Variants in LPAR1 observed in about 807,000 individuals in gnomAD.
LPAR1 encodes lysophosphatidic acid receptor 1.
Under a neutral mutation model 23.8 loss-of-function variants are expected in LPAR1, and 5 were observed. The ratio of observed to expected loss-of-function variants is 0.21; its 90% confidence interval spans 0.11 to 0.44. The LOEUF is 0.44. Ranked by LOEUF, LPAR1 falls within the 20% of genes least tolerant of loss-of-function variation. LPAR1 has a pLI of 0.99. For missense variants in LPAR1, 311 were observed against 482.8 expected, an observed-to-expected ratio of 0.64 and a Z score of 3.33; for synonymous variants, 160 against 164.7, an observed-to-expected ratio of 0.97 and a Z score of 0.22.
At chr9:110,970,231 G>C (rs1199820951) in intron 4 of LPAR1, among the ~76,000 whole-genome samples, 1 of 152,166 alleles carries the variant, frequency 6.6e-6, no homozygotes, top group Non-Finnish European at 1.5e-5. Context: ...GAAATGCCCT[G>C]TCTAGAAAAC....
chr9:110,921,326 T>C (rs1245833814), intron 5 of LPAR1, among the ~76,000 whole-genome samples: 1 of 152,212 alleles, frequency 6.6e-6, no homozygotes, highest in African/African-American at 2.4e-5. Context: ...ATATTTATGT[T>C]TCCTCTCATG....
intron 2 of LPAR1, among the ~76,000 whole-genome samples, chr9:110,988,305 C>T (rs1446183823): frequency 6.6e-6 from 1 of 150,660 alleles, no homozygotes; most frequent in African/African-American, 2.4e-5. Context: ...TGAAGGATAC[C>T]AAAAATATTA....
intron 5 of LPAR1, among the ~76,000 whole-genome samples, chr9:110,915,003 G>A (rs2092920716): frequency 6.6e-6 from 1 of 152,036 alleles, no homozygotes; most frequent in African/African-American, 2.4e-5. Flanking sequence ...GAATGATAGT[G>A]AGGGCCCCTT....
At chr9:111,025,500 T>C (rs1371608419) in intron 2 of LPAR1, among the ~76,000 whole-genome samples, 1 of 152,250 alleles carries the variant, frequency 6.6e-6, no homozygotes, top group Non-Finnish European at 1.5e-5. Flanking sequence ...GTAGGTTGCC[T>C]GTTCACTCTG....
chr9:110,922,975 G>A (rs1334222967), intron 5 of LPAR1, among the ~76,000 whole-genome samples: 8 of 151,830 alleles, frequency 5.3e-5, no homozygotes, highest in Admixed American at 2.6e-4. Context: ...TTCTCCTAAC[G>A]CTATCCCTCC....
intron 4 of LPAR1, among the ~76,000 whole-genome samples, chr9:110,959,027 C>G (rs755530652): frequency 6.6e-6 from 1 of 151,032 alleles, no homozygotes; most frequent in Non-Finnish European, 1.5e-5. Flanking sequence ...TCATCTTACC[C>G]CAGCCAGAAT....
chr9:110,974,101 G>C (rs1247676123), intron 2 of LPAR1, among the ~76,000 whole-genome samples: 1 of 152,046 alleles, frequency 6.6e-6, no homozygotes, highest in Non-Finnish European at 1.5e-5. Context: ...GGAGGTTGCA[G>C]TGAGCCGAGA....
intron 4 of LPAR1, among the ~76,000 whole-genome samples, chr9:110,951,642 CAGTG>C (rs2095571918): frequency 6.6e-6 from 1 of 152,138 alleles, no homozygotes; most frequent in Non-Finnish European, 1.5e-5. Context: ...TGTCAAGAGT[CAGTG>C]AGGTCAGTCC....
chr9:110,909,551 T>C (rs1026749952), intron 5 of LPAR1, among the ~76,000 whole-genome samples: 2 of 152,090 alleles, frequency 1.3e-5, no homozygotes, highest in Non-Finnish European at 2.9e-5. Flanking sequence ...AATTGAAGGT[T>C]TGTGGCAGCC....
intron 4 of LPAR1, among the ~76,000 whole-genome samples, chr9:110,942,808 C>T (rs996352335): frequency 1.3e-5 from 2 of 152,264 alleles, no homozygotes; most frequent in Admixed American, 6.5e-5. Context: ...ACTTGTCAAC[C>T]AATCTATGAC....
chr9:110,948,433 G>C (rs900306414), intron 4 of LPAR1, among the ~76,000 whole-genome samples: 1 of 152,088 alleles, frequency 6.6e-6, no homozygotes, highest in Non-Finnish European at 1.5e-5. Flanking sequence ...ATCTGAAAAA[G>C]TACATAAAAT....
intron 2 of LPAR1, among the ~76,000 whole-genome samples, chr9:111,016,626 A>C (rs148790558): frequency 6.6e-6 from 1 of 152,316 alleles, no homozygotes; most frequent in Non-Finnish European, 1.5e-5. Context: ...ACCCACACTT[A>C]ACTGACCACA....
At chr9:110,971,359 T>A (rs1325805111) in intron 4 of LPAR1, among the ~76,000 whole-genome samples, 2 of 152,146 alleles carry the variant, frequency 1.3e-5, no homozygotes, top group Admixed American at 1.3e-4. Flanking sequence ...CTAGCATGAC[T>A]AGGGCTCTTT....
At chr9:110,966,440 T>C (rs990240611) in intron 4 of LPAR1, among the ~76,000 whole-genome samples, 5 of 149,948 alleles carry the variant, frequency 3.3e-5, no homozygotes, top group Non-Finnish European at 5.9e-5. Context: ...GATCACGACA[T>C]TGCACTCCAG....
intron 2 of LPAR1, among the ~76,000 whole-genome samples, chr9:111,031,486 C>T (rs2097794796): frequency 6.6e-6 from 1 of 151,750 alleles, no homozygotes; most frequent in Admixed American, 6.6e-5. Flanking sequence ...CGGCACACAC[C>T]TGCGGTCCCA....
At chr9:111,024,594 T>C (rs538206833) in intron 2 of LPAR1, among the ~76,000 whole-genome samples, 1 of 150,330 alleles carries the variant, frequency 6.7e-6, no homozygotes, top group African/African-American at 2.4e-5. Flanking sequence ...AGTTCTGGGA[T>C]ACATGTGCAG....
At chr9:110,918,705 A>G (rs2093392514) in intron 5 of LPAR1, among the ~76,000 whole-genome samples, 1 of 152,234 alleles carries the variant, frequency 6.6e-6, no homozygotes, top group Non-Finnish European at 1.5e-5. Context: ...ATGTCTCTGT[A>G]GCCAAAATTA....
At chr9:110,992,923 G>A (rs528939478) in intron 2 of LPAR1, among the ~76,000 whole-genome samples, 10 of 152,074 alleles carry the variant, frequency 6.6e-5, no homozygotes, top group Middle Eastern at 3.2e-3. Flanking sequence ...TGATAATTTC[G>A]AGAGTATATG....
At chr9:110,889,719 T>G (rs7037318) in intron 5 of LPAR1, among the ~76,000 whole-genome samples, 2,697 of 152,374 alleles carry the variant, frequency 0.018, 37 homozygotes, top group Non-Finnish European at 0.03. Flanking sequence ...GCTTGTTTGC[T>G]GTACAAATAG....
Sources: allele counts gnomAD v4.1 joint callset (sites outside exome capture counted in the v4.1 genomes callset), GRCh38; gene constraint gnomAD v4.1.1; transcripts MANE v1.5; gene names NCBI Gene and HGNC (gene_info 2026-07-23, HGNC 2026-07-21).